RBM17: variants seen among roughly 807,000 people sequenced by gnomAD.
RBM17 encodes RNA binding motif protein 17.
RBM17 carries 7 observed loss-of-function variants against 53.2 expected under a neutral mutation model. The observed-to-expected ratio is 0.13, with a 90% CI of 0.07 to 0.25. The LOEUF (loss-of-function observed/expected upper bound fraction) is 0.25, where lower values mean the gene tolerates loss of function less well. Among genes scored for constraint, RBM17 ranks in the 10% least tolerant of loss-of-function variants. RBM17 has a pLI of 1.00. For missense variants in RBM17, 257 were observed against 496.7 expected, an observed-to-expected ratio of 0.52 and a Z score of 4.59; for synonymous variants, 167 against 178.1, an observed-to-expected ratio of 0.94 and a Z score of 0.50.
intron 4 of RBM17, 103 bp downstream of exon 4, chr10:6,105,200 A>G (rs765853140): frequency 1.2e-5 from 13 of 1,045,954 alleles, no homozygotes; most frequent in East Asian, 7.7e-5. Context: ...GTTAATTGTC[A>G]TGGGTGATCT....
At position 6,112,194 on chromosome 10, in the gene RBM17, C is replaced by A; in HGVS notation, c.705-16C>A. The A allele has an allele frequency of 6.2e-7, 1 of 1,608,588 alleles. No individual in the cohort carries two copies. On this transcript the variant is annotated splice_polypyrimidine_tract_variant and intron_variant, in intron 7 of 11. Transcript: ENST00000379888. The surrounding 1 kb of genome is among the most constrained non-coding windows in gnomAD (Gnocchi z 4.4). ...GATGTCAAGGCTAAGAGTCCTTTCC[C>A]TTCTTCTCCTGCCAGGGGCACGGTG...
chr10:6,113,269 G>T (rs1840866466), intron 8 of RBM17: 1 of 369,158 alleles, frequency 2.7e-6, no homozygotes, highest in African/African-American at 2.1e-5. Context: ...GCAAGTAATG[G>T]TGGAGGCTCA....
Position 6,089,771 on chromosome 10 carries a change from C to G in RBM17, c.-19+578C>G, listed in dbSNP as rs563950138. ...GCGCTCACGTCCGACCCCAGGCAGT[C>G]TTTGAGCTTCGCCTCTTGCCCCGAG... On this transcript the variant is annotated intron_variant, in intron 1 of 11. Coordinates refer to ENST00000379888, the MANE Select transcript of RBM17 (RefSeq NM_032905.5). This position sits in a 1 kb window ranked among gnomAD's most constrained non-coding sequence, Gnocchi z 5.6. 1 of 152,528 alleles carries G rather than the reference C, an allele frequency of 6.6e-6. No homozygotes were observed. Among genetic ancestry groups the G allele is most frequent in the South Asian group, 2.1e-4 (1 of 4,828 alleles). 9.4% of individuals were successfully genotyped at this position (152,528 alleles called of 1,614,324 possible).
At chr10:6,091,023 A>ATATATATTTT (rs1840475166) in intron 1 of RBM17, among the ~76,000 whole-genome samples, 1 of 123,098 alleles carries the variant, frequency 8.1e-6, no homozygotes. Flanking sequence ...TTATATATTT[A>ATATATATTTT]TATATATTTA....
intron 5 of RBM17, among the ~76,000 whole-genome samples, chr10:6,106,532 C>T (rs532863977): frequency 2.0e-5 from 3 of 152,254 alleles, no homozygotes; most frequent in African/African-American, 7.2e-5. Context: ...TCCAGTTGGC[C>T]GATGCTGAAT....
intron 1 of RBM17, among the ~76,000 whole-genome samples, chr10:6,094,108 G>A (rs1470407437): frequency 1.3e-5 from 2 of 151,688 alleles, no homozygotes; most frequent in African/African-American, 4.9e-5. Flanking sequence ...CTGAGTAGCT[G>A]GGACTACAGG....
chr10:6,113,310 C>A (rs1053682584), intron 8 of RBM17, 198 bp from the exon 9 acceptor site: 3 of 459,786 alleles, frequency 6.5e-6, no homozygotes, highest in African/African-American at 4.0e-5. Context: ...AAAAACATGC[C>A]AAAGCAAAGC....
At chr10:6,097,700 C>G (rs543458211) in intron 2 of RBM17, among the ~76,000 whole-genome samples, 3 of 152,130 alleles carry the variant, frequency 2.0e-5, no homozygotes, top group African/African-American at 7.2e-5. Flanking sequence ...AACAAAAAAA[C>G]AGTACTCTGA....
intron 2 of RBM17, among the ~76,000 whole-genome samples, chr10:6,100,979 A>T (rs369761633): frequency 6.6e-6 from 1 of 152,206 alleles, no homozygotes; most frequent in Non-Finnish European, 1.5e-5. Flanking sequence ...GATAGGAAGG[A>T]TTCTATATCC....
At chr10:6,106,589 G>T (rs569840486) in intron 5 of RBM17, among the ~76,000 whole-genome samples, 2 of 152,162 alleles carry the variant, frequency 1.3e-5, no homozygotes, top group African/African-American at 2.4e-5. Flanking sequence ...AACATTGAGT[G>T]TGTCTGTTTT....
At chr10:6,099,633 A>C (rs1249857288) in intron 2 of RBM17, among the ~76,000 whole-genome samples, 1 of 151,990 alleles carries the variant, frequency 6.6e-6, no homozygotes, top group South Asian at 2.1e-4. Context: ...GTTATACCGT[A>C]TTGGTTTTTT....
chr10:6,115,088 A>G (rs1840895075), intron 10 of RBM17, 151 bp from the exon 11 acceptor site: 1 of 664,586 alleles, frequency 1.5e-6, no homozygotes, highest in Admixed American at 3.2e-5. Context: ...TTGATGATGA[A>G]CAAATTATAC....
In RBM17 at chr10:6,108,750, G is replaced by C; in HGVS notation, c.562+8G>C. 6.2e-7 allele frequency: 1 copy of C among 1,605,898 alleles called. No homozygotes were observed. The highest frequency in any genetic ancestry group is 8.5e-7 in the Non-Finnish European group (1 of 1,173,282). ...TAGAGAAAGACAAAGAGTGTAAGTA[G>C]ATCTGTTTCTTCCTCTTTTATTCTG... On this transcript the variant is annotated splice_region_variant and intron_variant, in intron 6 of 11. Coordinates refer to ENST00000379888, the MANE Select transcript of RBM17 (RefSeq NM_032905.5).
At chr10:6,113,100 T>C (rs899862505) in intron 8 of RBM17, 2 of 184,718 alleles carry the variant, frequency 1.1e-5, no homozygotes, top group African/African-American at 2.4e-5. Context: ...TTGTCCCGAC[T>C]TGTGAGGTTA....
In RBM17 at chr10:6,115,744, A is replaced by G. The variant is rs562594558; in HGVS notation, c.*188A>G. The G allele has an allele frequency of 2.3e-6, 1 of 433,048 alleles. No individual in the cohort carries two copies. The highest frequency in any genetic ancestry group is 4.1e-6 in the Non-Finnish European group (1 of 245,842). The allele number at this position is 433,048 out of a possible 1,614,324, so 26.8% of individuals were successfully genotyped here. A position where few individuals can be genotyped will look rare whatever the true frequency, so the allele number is the denominator to read the frequency against. Reference sequence around the variant, plus strand: ...TTTAATATAGTATAAAAATCCTTTTAAAAAAACAACAATCTGTGTGCCTCT... The same window carrying G: ...TTTAATATAGTATAAAAATCCTTTTGAAAAAACAACAATCTGTGTGCCTCT... On this transcript the variant is annotated 3_prime_UTR_variant, in exon 12 of 12. Coordinates refer to ENST00000379888, the MANE Select transcript of RBM17 (RefSeq NM_032905.5).
intron 1 of RBM17, among the ~76,000 whole-genome samples, chr10:6,094,121 C>A (rs1431665449): frequency 2.0e-5 from 3 of 152,028 alleles, no homozygotes; most frequent in Non-Finnish European, 4.4e-5. Context: ...ACTACAGGTG[C>A]CCGCCACCAT....
Position 6,114,072 on chromosome 10 carries a change from G to A in RBM17, c.954G>A (p.Val318=), listed in dbSNP as rs899359033. The change falls in exon 10 of 12, where the codon GTG becomes GTA. Residue 318 remains valine (V), a synonymous_variant. Transcript: ENST00000379888. The stretch of plus-strand genomic sequence containing the variant: ...AGAACATGGTTGGTGCGGGAGAGGT[G>A]GATGAAGACTTGGAAGTTGAAACCA... ...LLRNMVGAGE[V]DEDLEVETKE... The A allele has an allele frequency of 1.2e-6, 2 of 1,613,028 alleles. No individual in the cohort carries two copies. The highest frequency in any genetic ancestry group is 1.7e-6 in the Non-Finnish European group (2 of 1,179,212).
chr10:6,110,663 G>A (rs1325226116), intron 7 of RBM17, among the ~76,000 whole-genome samples: 1 of 152,186 alleles, frequency 6.6e-6, no homozygotes, highest in Non-Finnish European at 1.5e-5. Context: ...CAAACATTTT[G>A]GTTAAGAGGA....
chr10:6,093,369 A>G (rs1384801260), intron 1 of RBM17, among the ~76,000 whole-genome samples: 1 of 152,072 alleles, frequency 6.6e-6, no homozygotes, highest in Non-Finnish European at 1.5e-5. Flanking sequence ...ACAGGCGTGC[A>G]GCACCACACC....
Sources: allele counts gnomAD v4.1 joint callset (sites outside exome capture counted in the v4.1 genomes callset), GRCh38; gene constraint gnomAD v4.1.1; non-coding constraint Gnocchi (gnomAD v3.1); transcripts MANE v1.5; gene names NCBI Gene and HGNC (gene_info 2026-07-23, HGNC 2026-07-21).